Variants in PELI2 observed in about 807,000 individuals in gnomAD.
PELI2 encodes the protein E3 ubiquitin-protein ligase pellino homolog 2.
PELI2 carries 23 observed loss-of-function variants against 42.3 expected under a neutral mutation model. The observed-to-expected ratio is 0.54, with a 90% CI of 0.39 to 0.77. The LOEUF (loss-of-function observed/expected upper bound fraction) is 0.77. Among genes scored for constraint, PELI2 ranks in the 30% least tolerant of loss-of-function variants. PELI2 has a pLI of 0.00. For synonymous variants in PELI2, 245 were observed against 212.2 expected, an observed-to-expected ratio of 1.15 and a Z score of -1.34; for missense variants, 463 against 553.2, an observed-to-expected ratio of 0.84 and a Z score of 1.64.
chr14:56,119,680 A>G, intron 1 of PELI2: 3 of 751,862 alleles, frequency 4.0e-6, no homozygotes, highest in Non-Finnish European at 4.9e-6. Flanking sequence ...TTAAAACTGG[A>G]TATAGTGGGC....
At chr14:56,139,630 C>T (rs1595548589) in intron 1 of PELI2, among the ~76,000 whole-genome samples, 1 of 152,194 alleles carries the variant, frequency 6.6e-6, no homozygotes, top group South Asian at 2.1e-4. Flanking sequence ...TTACTGCCTT[C>T]TATGTTTGCA....
intron 1 of PELI2, among the ~76,000 whole-genome samples, chr14:56,158,115 C>T (rs908670794): frequency 1.3e-5 from 2 of 152,086 alleles, no homozygotes; most frequent in African/African-American, 4.8e-5. Context: ...GCAACCTCCA[C>T]CTCCCAGGTT....
At chr14:56,292,962 TTAAG>T (rs1372209463) in intron 5 of PELI2, 3 of 331,626 alleles carry the variant, frequency 9.0e-6, no homozygotes, top group Non-Finnish European at 1.3e-5. Flanking sequence ...TTGTATAAAA[TTAAG>T]TAAATTCAGT....
At chr14:56,231,751 C>T (rs1041237034) in intron 2 of PELI2, among the ~76,000 whole-genome samples, 5 of 152,160 alleles carry the variant, frequency 3.3e-5, no homozygotes, top group South Asian at 2.1e-4. Context: ...CAAGAAATAA[C>T]TAAGATCAGA....
At chr14:56,252,561 A>G (rs1888383678) in intron 2 of PELI2, among the ~76,000 whole-genome samples, 1 of 152,204 alleles carries the variant, frequency 6.6e-6, no homozygotes, top group Admixed American at 6.5e-5. Flanking sequence ...CAGAACATGG[A>G]CACATGGGTG....
intron 2 of PELI2, among the ~76,000 whole-genome samples, chr14:56,229,988 G>A (rs1394319785): frequency 2.0e-5 from 3 of 152,232 alleles, no homozygotes; most frequent in Non-Finnish European, 2.9e-5. Context: ...TCAAGTTGAA[G>A]ACAGGGTGTC....
At chr14:56,168,849 T>A (rs1251716406) in intron 1 of PELI2, among the ~76,000 whole-genome samples, 2 of 152,092 alleles carry the variant, frequency 1.3e-5, no homozygotes, top group Non-Finnish European at 2.9e-5. Flanking sequence ...TGGGTATCAC[T>A]GCTGGTTATT....
chr14:56,193,581 AAAT>A (rs1419895146), intron 2 of PELI2, among the ~76,000 whole-genome samples: 4 of 152,216 alleles, frequency 2.6e-5, no homozygotes, highest in Admixed American at 1.3e-4. Flanking sequence ...AATAGACTTG[AAAT>A]AATTTAAATC....
chr14:56,279,634 G>C (rs1207189947), intron 2 of PELI2, 42 bp from the exon 3 acceptor site: 7 of 1,149,988 alleles, frequency 6.1e-6, no homozygotes, highest in Non-Finnish European at 9.1e-6. Context: ...ATAAGTTGTT[G>C]AAATGGAATT....
At chr14:56,178,577 C>G in intron 2 of PELI2, 113 bp downstream of exon 2, 3 of 1,191,290 alleles carry the variant, frequency 2.5e-6, no homozygotes, top group Non-Finnish European at 3.7e-6. Context: ...TCTCTCAGAC[C>G]ATTTGAGGCT....
At chr14:56,146,794 TTC>T (rs1295292525) in intron 1 of PELI2, among the ~76,000 whole-genome samples, 1 of 152,200 alleles carries the variant, frequency 6.6e-6, no homozygotes, top group Non-Finnish European at 1.5e-5. Flanking sequence ...CTTTTTTTTT[TTC>T]TTCTTTACTG....
Position 56,277,789 on chromosome 14 carries a change from C to A in PELI2, c.208-1887C>A, listed in dbSNP as rs560288836. The stretch of plus-strand genomic sequence containing the variant: ...AGCAAATGTGTTAGGGAATAAAAAA[C>A]AAAATTTATAATTTAAGGTAAGCTG... On this transcript the variant is annotated intron_variant, in intron 2 of 5. Transcript: ENST00000267460. 1.1e-4 allele frequency among the ~76,000 whole-genome samples: 16 copies of A among 152,228 alleles called. No individual in the cohort carries two copies. The East Asian group carries it at 3.1e-3, about 29-fold the overall frequency.
At chr14:56,216,936 A>C (rs1379663521) in intron 2 of PELI2, among the ~76,000 whole-genome samples, 1 of 152,252 alleles carries the variant, frequency 6.6e-6, no homozygotes, top group East Asian at 1.9e-4. Context: ...TCAAGAATTT[A>C]ATCATTTCCA....
rs541188413 is a variant in PELI2, at chr14:56,194,722, A to T, written c.207+16258A>T. Among the ~76,000 whole-genome samples, 6 of 152,312 alleles carry T rather than the reference A, an allele frequency of 3.9e-5. No homozygotes were observed. The South Asian group carries it at 1.0e-3, about 26-fold the overall frequency. Reference sequence around the variant, plus strand: ...TGGTAACTGGATAAGGCAGCCCTGGATAAGGCAGCCCCACGTCCAGAGACT... The same window carrying T: ...TGGTAACTGGATAAGGCAGCCCTGGTTAAGGCAGCCCCACGTCCAGAGACT... On this transcript the variant is annotated intron_variant, in intron 2 of 5. Coordinates refer to ENST00000267460, the MANE Select transcript of PELI2 (RefSeq NM_021255.3).
At chr14:56,203,120 C>T (rs192606229) in intron 2 of PELI2, among the ~76,000 whole-genome samples, 1 of 152,202 alleles carries the variant, frequency 6.6e-6, no homozygotes, top group Non-Finnish European at 1.5e-5. Flanking sequence ...TAGAAAATTG[C>T]CGAAAGATCT....
intron 4 of PELI2, among the ~76,000 whole-genome samples, chr14:56,289,669 G>T (rs1256119235): frequency 6.6e-6 from 1 of 151,954 alleles, no homozygotes; most frequent in Non-Finnish European, 1.5e-5. Context: ...CAAGAAAGCT[G>T]AAGGGAAGAG....
At chr14:56,134,031 T>C (rs1346643559) in intron 1 of PELI2, among the ~76,000 whole-genome samples, 1 of 152,264 alleles carries the variant, frequency 6.6e-6, no homozygotes, top group Non-Finnish European at 1.5e-5. Flanking sequence ...TAAAGAATGC[T>C]TAGTTTATTT....
At chr14:56,168,815 C>G (rs1369209552) in intron 1 of PELI2, among the ~76,000 whole-genome samples, 1 of 152,152 alleles carries the variant, frequency 6.6e-6, no homozygotes, top group African/African-American at 2.4e-5. Flanking sequence ...CACCAGAAGC[C>G]ACCAAGGCCC....
intron 1 of PELI2, among the ~76,000 whole-genome samples, chr14:56,168,741 G>T (rs187276316): frequency 1.3e-4 from 19 of 151,108 alleles, no homozygotes; most frequent in Middle Eastern, 3.5e-3. Context: ...CAAGCAGAAG[G>T]AGTTTTGCCC....
Sources: allele counts gnomAD v4.1 joint callset (sites outside exome capture counted in the v4.1 genomes callset), GRCh38; gene constraint gnomAD v4.1.1; transcripts MANE v1.5; gene names NCBI Gene and HGNC (gene_info 2026-07-23, HGNC 2026-07-21).